The following SGMS1 variants were observed in gnomAD, a reference collection of about 807,000 sequenced individuals.
The protein encoded by SGMS1 is sphingomyelin synthase 1.
A neutral mutation model predicts 46.2 loss-of-function variants in SGMS1; 13 were observed. The ratio of observed to expected loss-of-function variants is 0.28; its 90% CI spans 0.18 to 0.45. The LOEUF (loss-of-function observed/expected upper bound fraction) is 0.45, where lower values mean the gene tolerates loss of function less well. Among genes scored for constraint, SGMS1 ranks in the 20% least tolerant of loss-of-function variants. The probability of loss-of-function intolerance (pLI) is 1.00; values close to 1 mark genes in which losing one functional copy is unlikely to be tolerated. For synonymous variants in SGMS1, 203 were observed against 187.8 expected (o/e 1.08, Z -0.66); for missense variants, 324 against 519.9 (o/e 0.62, Z 3.66).
intron 2 of SGMS1, among the ~76,000 whole-genome samples, chr10:50,571,035 G>C (rs780056825): frequency 1.2e-4 from 18 of 152,212 alleles, no homozygotes; most frequent in Non-Finnish European, 2.5e-4. Flanking sequence ...TTCTGGATAA[G>C]CTAACTGCCA....
At chr10:50,555,151 G>A (rs920934213) in intron 2 of SGMS1, among the ~76,000 whole-genome samples, 6 of 152,190 alleles carry the variant, frequency 3.9e-5, no homozygotes, top group African/African-American at 7.2e-5. Flanking sequence ...GGCTTCCCAC[G>A]TGGCAGGTGA....
At chr10:50,511,604 A>T (rs1588859349) in intron 3 of SGMS1, among the ~76,000 whole-genome samples, 1 of 152,172 alleles carries the variant, frequency 6.6e-6, no homozygotes, top group Non-Finnish European at 1.5e-5. Context: ...ACCTTAGGAC[A>T]CCCATAGGCC....
At position 50,403,378 on chromosome 10, in the gene SGMS1, C is replaced by T. The variant is rs574423998; in HGVS notation, c.-232+30098G>A. On this transcript the variant is annotated intron_variant, in intron 6 of 10. Coordinates refer to ENST00000361781, the MANE Select transcript of SGMS1 (RefSeq NM_147156.4). ...CTGTCAAGAGCCTGAGTAGAGGTTA[C>T]GAAGATAAGAAATGAAAGTATTCTA... 5.3e-5 allele frequency among the ~76,000 whole-genome samples: 8 copies of T among 152,244 alleles called. No homozygotes were observed. In the East Asian group the frequency reaches 1.2e-3, roughly 22 times the overall value.
intron 7 of SGMS1, among the ~76,000 whole-genome samples, chr10:50,334,074 C>CT (rs1293124050): frequency 6.6e-6 from 1 of 152,094 alleles, no homozygotes; most frequent in Non-Finnish European, 1.5e-5. Flanking sequence ...ATCAGCTGCT[C>CT]TTTTTGCTAA....
At chr10:50,399,127 A>G (rs1445971671) in intron 6 of SGMS1, among the ~76,000 whole-genome samples, 1 of 152,018 alleles carries the variant, frequency 6.6e-6, no homozygotes, top group Non-Finnish European at 1.5e-5. Context: ...AAATTTACTG[A>G]AAATCACTGA....
At chr10:50,424,424 A>G (rs1010345015) in intron 6 of SGMS1, among the ~76,000 whole-genome samples, 1 of 152,128 alleles carries the variant, frequency 6.6e-6, no homozygotes, top group Non-Finnish European at 1.5e-5. Context: ...CTGTTAAAAA[A>G]AGAAGGTACT....
At chr10:50,362,008 T>C (rs548572168) in intron 6 of SGMS1, among the ~76,000 whole-genome samples, 1 of 152,360 alleles carries the variant, frequency 6.6e-6, no homozygotes, top group East Asian at 1.9e-4. Flanking sequence ...ATATTCTTCC[T>C]ACCTTATACC....
chr10:50,469,641 G>T (rs1373969116), intron 3 of SGMS1, among the ~76,000 whole-genome samples: 1 of 152,174 alleles, frequency 6.6e-6, no homozygotes, highest in Non-Finnish European at 1.5e-5. Flanking sequence ...ATGAGTCTTT[G>T]TAGACATTAA....
intron 6 of SGMS1, among the ~76,000 whole-genome samples, chr10:50,409,726 G>A (rs1183483959): frequency 6.6e-6 from 1 of 151,882 alleles, no homozygotes; most frequent in Non-Finnish European, 1.5e-5. Flanking sequence ...ATATCAACGG[G>A]AATATAAGAC....
At chr10:50,605,084 A>G (rs1249625523) in intron 1 of SGMS1, among the ~76,000 whole-genome samples, 1 of 152,210 alleles carries the variant, frequency 6.6e-6, no homozygotes, top group South Asian at 2.1e-4. Context: ...AATTTCCTAC[A>G]TCTCCACAAA....
At chr10:50,484,179 T>G (rs1473539996) in intron 3 of SGMS1, among the ~76,000 whole-genome samples, 2 of 149,892 alleles carry the variant, frequency 1.3e-5, no homozygotes, top group Non-Finnish European at 3.0e-5. Context: ...AAGAGAAGAA[T>G]CAACTAGACA....
At chr10:50,492,726 T>C (rs1416441761) in intron 3 of SGMS1, among the ~76,000 whole-genome samples, 1 of 152,234 alleles carries the variant, frequency 6.6e-6, no homozygotes. Flanking sequence ...ATGGCCATAC[T>C]GCCCAAACCA....
At chr10:50,360,045 G>A (rs1848221891) in intron 6 of SGMS1, among the ~76,000 whole-genome samples, 2 of 151,986 alleles carry the variant, frequency 1.3e-5, no homozygotes, top group Admixed American at 6.5e-5. Flanking sequence ...CATACTCTAT[G>A]TTTTTGAACA....
intron 2 of SGMS1, among the ~76,000 whole-genome samples, chr10:50,571,178 A>G (rs1838333549): frequency 6.6e-6 from 1 of 152,252 alleles, no homozygotes; most frequent in South Asian, 2.1e-4. Flanking sequence ...AAATTTTTTT[A>G]TAAACAAATA....
chr10:50,468,825 A>G (rs1837354129), intron 3 of SGMS1, among the ~76,000 whole-genome samples: 1 of 152,236 alleles, frequency 6.6e-6, no homozygotes, highest in South Asian at 2.1e-4. Flanking sequence ...TTTTAAGGCA[A>G]TATGTAATAT....
At chr10:50,463,768 G>A (rs992768570) in intron 4 of SGMS1, among the ~76,000 whole-genome samples, 4 of 152,148 alleles carry the variant, frequency 2.6e-5, no homozygotes, top group African/African-American at 7.2e-5. Context: ...AGAGGTGGAC[G>A]CAACCCACAC....
intron 6 of SGMS1, among the ~76,000 whole-genome samples, chr10:50,417,042 T>C (rs116208100): frequency 3.5e-4 from 53 of 152,256 alleles, no homozygotes; most frequent in African/African-American, 1.2e-3. Context: ...AGTTTACAAG[T>C]CTTCCCACCA....
At chr10:50,498,118 G>C (rs1289915715) in intron 3 of SGMS1, among the ~76,000 whole-genome samples, 1 of 152,120 alleles carries the variant, frequency 6.6e-6, no homozygotes, top group African/African-American at 2.4e-5. Context: ...TTGGGAGTTA[G>C]GGAAATATAA....
chr10:50,384,297 T>C (rs868152599), intron 6 of SGMS1, among the ~76,000 whole-genome samples: 2 of 152,206 alleles, frequency 1.3e-5, no homozygotes, highest in African/African-American at 2.4e-5. Context: ...GAGCCTTTTG[T>C]TTCTTTATCC....
Sources: gnomAD v4.1 joint callset for allele counts (sites outside exome capture counted in the v4.1 genomes callset) on GRCh38, gnomAD v4.1.1 for gene constraint, MANE v1.5 for transcripts, NCBI Gene and HGNC (gene_info 2026-07-23, HGNC 2026-07-21) for gene names.